CREB5: variants seen among roughly 807,000 people sequenced by gnomAD.
CREB5 encodes cAMP responsive element binding protein 5, also known as cyclic AMP-responsive element-binding protein 5.
CREB5 carries 19 observed loss-of-function variants against 57.1 expected under a neutral mutation model. The observed-to-expected ratio is 0.33, with a 90% confidence interval of 0.23 to 0.49. The LOEUF is 0.49. CREB5 is among the 20% of genes least tolerant of loss of function. The pLI is 0.99. For missense variants in CREB5, 579 were observed against 671.6 expected (o/e 0.86, Z 1.52); for synonymous variants, 238 against 238.3 (o/e 1.00, Z 0.01).
At chr7:28,590,368 G>A (rs13307608) in intron 5 of CREB5, among the ~76,000 whole-genome samples, 12 of 151,942 alleles carry the variant, frequency 7.9e-5, no homozygotes, top group African/African-American at 2.9e-4. Flanking sequence ...ATGAGTTCAT[G>A]TCCTTTGTAG....
At chr7:28,342,263 T>A (rs1562665600) in intron 1 of CREB5, among the ~76,000 whole-genome samples, 1 of 152,216 alleles carries the variant, frequency 6.6e-6, no homozygotes, top group Non-Finnish European at 1.5e-5. Flanking sequence ...TAGATGTGGC[T>A]ATCATCCTTG....
At chr7:28,806,827 A>G (rs1808756457) in intron 8 of CREB5, among the ~76,000 whole-genome samples, 1 of 152,226 alleles carries the variant, frequency 6.6e-6, no homozygotes, top group Non-Finnish European at 1.5e-5. Flanking sequence ...GAATTGAAAG[A>G]TAAGTCCCTG....
At chr7:28,579,283 G>A (rs1796028344) in intron 5 of CREB5, among the ~76,000 whole-genome samples, 1 of 152,212 alleles carries the variant, frequency 6.6e-6, no homozygotes, top group African/African-American at 2.4e-5. Flanking sequence ...ATAGACTGCT[G>A]AAGAAGAATT....
intron 5 of CREB5, among the ~76,000 whole-genome samples, chr7:28,658,963 A>ACATATATATATATATATATATATATG (rs1212403387): frequency 8.5e-6 from 1 of 117,218 alleles, no homozygotes; most frequent in Non-Finnish European, 2.0e-5. Context: ...GTATATATAT[A>ACATATATATATATATATATATATATG]TATATATATA....
At chr7:28,375,741 G>GAA (rs532292567) in intron 1 of CREB5, among the ~76,000 whole-genome samples, 1 of 118,352 alleles carries the variant, frequency 8.4e-6, no homozygotes, top group East Asian at 2.5e-4. Context: ...TTCTGTTATT[G>GAA]AAAAAAAAAA....
intron 1 of CREB5, among the ~76,000 whole-genome samples, chr7:28,428,921 A>C (rs1788611343): frequency 6.6e-6 from 1 of 152,118 alleles, no homozygotes; most frequent in Non-Finnish European, 1.5e-5. Flanking sequence ...TTCTGCCTAG[A>C]CCATCCAAGC....
rs184151608 is a variant in CREB5 at position 28,658,771 on chromosome 7, G to A, written c.465-59982G>A. Among the ~76,000 whole-genome samples the A allele has an allele frequency of 5.3e-5, 8 of 151,840 alleles. No homozygotes were observed. In the East Asian group the frequency reaches 1.6e-3, roughly 30 times the overall value. On this transcript the variant is annotated intron_variant, in intron 5 of 10. Coordinates refer to ENST00000357727, the MANE Select transcript of CREB5 (RefSeq NM_182898.4). Reference sequence around the variant, plus strand: ...CAGTTTTGGGAGGAGGATAAGGAAAGGGCTGACAGCTGCTGCACAACTGGT... The same window carrying A: ...CAGTTTTGGGAGGAGGATAAGGAAAAGGCTGACAGCTGCTGCACAACTGGT...
At chr7:28,525,486 TTTA>T (rs541767094) in intron 4 of CREB5, among the ~76,000 whole-genome samples, 14 of 151,814 alleles carry the variant, frequency 9.2e-5, no homozygotes, top group African/African-American at 2.9e-4. Flanking sequence ...CTCACCAGCA[TTTA>T]TTATTATTAT....
At chr7:28,421,656 G>C (rs890703464) in intron 1 of CREB5, among the ~76,000 whole-genome samples, 4 of 151,902 alleles carry the variant, frequency 2.6e-5, no homozygotes, top group Non-Finnish European at 5.9e-5. Context: ...GGTGAGCCCT[G>C]TGTGTAGAAA....
intron 1 of CREB5, among the ~76,000 whole-genome samples, chr7:28,312,347 T>A (rs1785294705): frequency 6.6e-6 from 1 of 152,082 alleles, no homozygotes; most frequent in African/African-American, 2.4e-5. Context: ...TGCGAGAGAA[T>A]GAAATACCCA....
At chr7:28,531,651 C>T (rs1793734604) in intron 4 of CREB5, among the ~76,000 whole-genome samples, 2 of 152,170 alleles carry the variant, frequency 1.3e-5, no homozygotes, top group African/African-American at 4.8e-5. Context: ...CAACACGTAA[C>T]ACCATCTCAT....
intron 8 of CREB5, among the ~76,000 whole-genome samples, chr7:28,807,571 C>T (rs1182863773): frequency 6.6e-6 from 1 of 152,172 alleles, no homozygotes. Flanking sequence ...GATTAAAATA[C>T]ATCACCATCA....
intron 3 of CREB5, among the ~76,000 whole-genome samples, chr7:28,497,276 A>G (rs1214961348): frequency 1.3e-5 from 2 of 152,240 alleles, no homozygotes; most frequent in Admixed American, 1.3e-4. Context: ...ACTGAAACGA[A>G]GCATTCTTCT....
chr7:28,596,612 C>T (rs533288767), intron 5 of CREB5, among the ~76,000 whole-genome samples: 31 of 152,288 alleles, frequency 2.0e-4, no homozygotes, highest in Admixed American at 1.0e-3. Flanking sequence ...CAGTTAAAAG[C>T]GTGAACCTGT....
At chr7:28,406,599 G>T (rs1381969512) in intron 1 of CREB5, among the ~76,000 whole-genome samples, 1 of 152,240 alleles carries the variant, frequency 6.6e-6, no homozygotes, top group Non-Finnish European at 1.5e-5. Context: ...CCTGGTGGGT[G>T]AGAGGGCATT....
At position 28,657,595 on chromosome 7, in the gene CREB5, C is replaced by A. The variant is rs1799380752; in HGVS notation, c.465-61158C>A. ...AATACAAAAATTAGCCAGGTGCCTG[C>A]AGACCTGGCTACTTGTGCAGCGGAG... On this transcript the variant is annotated intron_variant, in intron 5 of 10. Transcript: ENST00000357727. Among the ~76,000 whole-genome samples, 14 of 151,746 alleles carry A rather than the reference C, an allele frequency of 9.2e-5. 1 individual carries two copies. The South Asian group carries it at 2.9e-3, about 32-fold the overall frequency.
At chr7:28,338,088 G>A (rs759252669) in intron 1 of CREB5, among the ~76,000 whole-genome samples, 1 of 152,048 alleles carries the variant, frequency 6.6e-6, no homozygotes, top group Non-Finnish European at 1.5e-5. Flanking sequence ...TTCAAAAGCT[G>A]TAGTAGTTAT....
chr7:28,749,730 C>G (rs1804874872), intron 7 of CREB5, among the ~76,000 whole-genome samples: 1 of 152,092 alleles, frequency 6.6e-6, no homozygotes, highest in East Asian at 1.9e-4. Flanking sequence ...TGATTTTTTT[C>G]AAGACAATCT....
intron 1 of CREB5, among the ~76,000 whole-genome samples, chr7:28,371,731 C>T (rs1341339780): frequency 6.6e-6 from 1 of 152,148 alleles, no homozygotes; most frequent in East Asian, 1.9e-4. Flanking sequence ...GCCCCTTTGT[C>T]CCCTCTGCAG....
Sources: gnomAD v4.1 joint callset for allele counts (sites outside exome capture counted in the v4.1 genomes callset) on GRCh38, gnomAD v4.1.1 for gene constraint, MANE v1.5 for transcripts, NCBI Gene and HGNC (gene_info 2026-07-23, HGNC 2026-07-21) for gene names.